Variants in PTK2B observed in about 807,000 individuals in gnomAD.
PTK2B encodes the protein protein-tyrosine kinase 2-beta.
In PTK2B, 71 loss-of-function variants were observed where a neutral mutation model predicts 142.9. The observed-to-expected ratio is 0.50, with a 90% CI of 0.41 to 0.61. The LOEUF (loss-of-function observed/expected upper bound fraction) is 0.61. Among genes scored for constraint, PTK2B ranks in the 20% least tolerant of loss-of-function variants. PTK2B has a pLI of 0.00. For synonymous variants in PTK2B, 519 were observed against 503.4 expected, an observed-to-expected ratio of 1.03 and a Z score of -0.42; for missense variants, 1,105 against 1,320.4, an observed-to-expected ratio of 0.84 and a Z score of 2.53.
intron 1 of PTK2B, among the ~76,000 whole-genome samples, chr8:27,339,018 T>C (rs1482880138): frequency 1.3e-5 from 2 of 152,240 alleles, no homozygotes; most frequent in African/African-American, 4.8e-5. Flanking sequence ...TATGGAACCA[T>C]ATATAAAATT....
At chr8:27,347,179 C>G (rs1804763722) in intron 1 of PTK2B, among the ~76,000 whole-genome samples, 1 of 149,024 alleles carries the variant, frequency 6.7e-6, no homozygotes, top group African/African-American at 2.5e-5. Flanking sequence ...GAGTTCGAGA[C>G]CAGCCTGGCC....
At chr8:27,435,717 G>T in intron 13 of PTK2B, 26 bp from the exon 14 acceptor site, 1 of 1,613,854 alleles carries the variant, frequency 6.2e-7, no homozygotes, top group Non-Finnish European at 8.5e-7. Context: ...TCTTGTCCAC[G>T]GCTGAGCCTC....
At chr8:27,455,395 A>G (rs1812086553) in intron 30 of PTK2B, among the ~76,000 whole-genome samples, 1 of 152,152 alleles carries the variant, frequency 6.6e-6, no homozygotes, top group Admixed American at 6.5e-5. Flanking sequence ...AAAACCATAC[A>G]AAAATTAGCT....
chr8:27,393,577 G>T (rs867192298), intron 1 of PTK2B, among the ~76,000 whole-genome samples: 1 of 152,174 alleles, frequency 6.6e-6, no homozygotes, highest in African/African-American at 2.4e-5. Context: ...CGATATGGGA[G>T]TTGGCTCCTG....
intron 3 of PTK2B, among the ~76,000 whole-genome samples, chr8:27,313,884 C>G (rs1038290133): frequency 6.6e-6 from 1 of 152,174 alleles, no homozygotes; most frequent in Non-Finnish European, 1.5e-5. Flanking sequence ...TTAGTGACAG[C>G]TGTGGACCAT....
chr8:27,434,193 T>C, intron 12 of PTK2B, 61 bp downstream of exon 12: 3 of 1,577,126 alleles, frequency 1.9e-6, no homozygotes, highest in Non-Finnish European at 2.6e-6. Context: ...CTGAGAGGAA[T>C]AAGAATAAAC....
intron 30 of PTK2B, among the ~76,000 whole-genome samples, chr8:27,457,764 C>CA (rs1019296904): frequency 1.1e-4 from 16 of 152,086 alleles, no homozygotes; most frequent in African/African-American, 3.4e-4. Flanking sequence ...CACCTGAGGT[C>CA]AGGAGTTCAA....
intron 1 of PTK2B, among the ~76,000 whole-genome samples, chr8:27,368,850 C>G (rs573257708): frequency 1.1e-4 from 16 of 152,148 alleles, no homozygotes; most frequent in Non-Finnish European, 2.4e-4. Flanking sequence ...GCCCTGGGCC[C>G]CGGAGACCCT....
rs527294955 is a variant in PTK2B, at chr8:27,403,506, C to G, written c.204+5718C>G. Among the ~76,000 whole-genome samples, 3 of 152,306 alleles carry G rather than the reference C, an allele frequency of 2.0e-5. No individual in the cohort carries two copies. In the East Asian group the frequency reaches 5.8e-4, roughly 29 times the overall value. On this transcript the variant is annotated intron_variant, in intron 2 of 30. Transcript: ENST00000346049. ...CCTAAAAGAAATTAGGCAGGTGTTG[C>G]AGAGAACAATGAGAAATTGATTTTG...
At chr8:27,436,886 C>T (rs958663949) in intron 15 of PTK2B, among the ~76,000 whole-genome samples, 14 of 152,150 alleles carry the variant, frequency 9.2e-5, no homozygotes, top group African/African-American at 2.9e-4. Flanking sequence ...TCTGGATGGC[C>T]AGGGGCTTGA....
chr8:27,338,636 C>A (rs1365143907), intron 1 of PTK2B, among the ~76,000 whole-genome samples: 1 of 152,136 alleles, frequency 6.6e-6, no homozygotes, highest in Non-Finnish European at 1.5e-5. Context: ...TTTAAGTAAC[C>A]TTTGTAAGCA....
At chr8:27,361,701 AT>A (rs1173137783) in intron 1 of PTK2B, among the ~76,000 whole-genome samples, 3 of 152,092 alleles carry the variant, frequency 2.0e-5, no homozygotes, top group African/African-American at 7.2e-5. Context: ...TCTTTCTGGT[AT>A]CCCAGGTGGT....
chr8:27,402,043 C>T (rs1036522943), intron 2 of PTK2B, among the ~76,000 whole-genome samples: 2 of 152,022 alleles, frequency 1.3e-5, no homozygotes, highest in Admixed American at 6.6e-5. Flanking sequence ...TTATTATTTC[C>T]ACTTCATATA....
intron 2 of PTK2B, among the ~76,000 whole-genome samples, chr8:27,417,213 A>C (rs1391537890): frequency 6.6e-6 from 1 of 152,250 alleles, no homozygotes; most frequent in Non-Finnish European, 1.5e-5. Flanking sequence ...GACCAAATCA[A>C]CATATTGTGA....
intron 30 of PTK2B, among the ~76,000 whole-genome samples, chr8:27,456,628 C>T (rs978317368): frequency 1.3e-5 from 2 of 152,188 alleles, no homozygotes; most frequent in Non-Finnish European, 2.9e-5. Flanking sequence ...TCACCCACCT[C>T]TCACTTTAAA....
chr8:27,316,673 CTG>C (rs1488552430), intron 3 of PTK2B, among the ~76,000 whole-genome samples: 1 of 152,224 alleles, frequency 6.6e-6, no homozygotes, highest in Admixed American at 6.5e-5. Flanking sequence ...GAGGAAATCA[CTG>C]TAGTCCGATG....
chr8:27,420,525 G>A (rs1809678273), intron 3 of PTK2B, 132 bp from the exon 4 acceptor site: 2 of 829,210 alleles, frequency 2.4e-6, no homozygotes, highest in Admixed American at 4.2e-5. Flanking sequence ...CCCTGAATGA[G>A]TGGCCACGAG....
upstream of PTK2B, chr8:27,311,392 G>A (rs1194123205): frequency 5.4e-6 from 5 of 924,040 alleles, no homozygotes; most frequent in Admixed American, 3.2e-5. Context: ...GGGGGGGATG[G>A]CGAGGGGGAG....
Position 27,376,163 on chromosome 8 carries a change from G to A in PTK2B, c.-37-21385G>A, listed in dbSNP as rs544821193. 4.6e-5 allele frequency among the ~76,000 whole-genome samples: 7 copies of A among 152,344 alleles called. No individual in the cohort carries two copies. The South Asian group carries it at 1.4e-3, about 32-fold the overall frequency. ...AGCCCATTCAGGTCTAAAGTCCTCA[G>A]AACCCAAGACCTAGACCCAGACAAC... On this transcript the variant is annotated intron_variant, in intron 1 of 30. Coordinates refer to ENST00000346049, the MANE Select transcript of PTK2B (RefSeq NM_173176.3).
Sources: allele counts gnomAD v4.1 joint callset (sites outside exome capture counted in the v4.1 genomes callset), GRCh38; gene constraint gnomAD v4.1.1; transcripts MANE v1.5; gene names NCBI Gene and HGNC (gene_info 2026-07-23, HGNC 2026-07-21).